Variants in CACNA1C observed in about 807,000 individuals in gnomAD.
CACNA1C encodes the protein calcium voltage-gated channel subunit alpha1 C, also known as voltage-dependent L-type calcium channel subunit alpha-1C.
In CACNA1C, 30 loss-of-function variants were observed where a neutral mutation model predicts 229.0. The ratio of observed to expected loss-of-function variants is 0.13; its 90% confidence interval spans 0.10 to 0.18. The LOEUF (loss-of-function observed/expected upper bound fraction) is 0.18. CACNA1C is among the 10% of genes least tolerant of loss of function. The pLI, the probability that CACNA1C is intolerant of heterozygous loss-of-function variation, is 1.00. For synonymous variants in CACNA1C, 1,114 were observed against 1,132.5 expected (o/e 0.98, Z 0.33); for missense variants, 1,658 against 2,845.0 (o/e 0.58, Z 9.49).
chr12:2,272,391 C>T (rs758030633), intron 3 of CACNA1C, among the ~76,000 whole-genome samples: 2 of 152,182 alleles, frequency 1.3e-5, no homozygotes, highest in Non-Finnish European at 2.9e-5. Flanking sequence ...CCTCTGCCTC[C>T]TGCCTCCTCC....
At chr12:2,446,455 AGTGG>A (rs1223777560) in intron 3 of CACNA1C, among the ~76,000 whole-genome samples, 6 of 12,286 alleles carry the variant, frequency 4.9e-4, no homozygotes, top group Admixed American at 1.1e-3. Flanking sequence ...AGAATGGGTG[AGTGG>A]GTGGGTGGGT....
intron 1 of CACNA1C, among the ~76,000 whole-genome samples, chr12:2,097,379 C>T (rs918705312): frequency 7.2e-5 from 11 of 152,090 alleles, no homozygotes; most frequent in Non-Finnish European, 1.3e-4. Flanking sequence ...ATCTCCTGAC[C>T]TTGTGATCCG....
At chr12:2,081,537 C>T (rs911461208) in intron 1 of CACNA1C, among the ~76,000 whole-genome samples, 21 of 151,204 alleles carry the variant, frequency 1.4e-4, no homozygotes, top group African/African-American at 4.6e-4. Flanking sequence ...CGCCACTGCA[C>T]TCCAGCCTGG....
chr12:2,654,547 C>T lies in CACNA1C; in HGVS notation c.4141-600C>T, dbSNP rs989840738. ...CGCCCACACTAGCCCAAAGCGCTTC[C>T]TCGGCCGCTCCTTCAGGAAGTCCCC... On this transcript the variant is annotated intron_variant, in intron 33 of 46. Coordinates refer to ENST00000399655, the MANE Select transcript of CACNA1C (RefSeq NM_000719.7). This position sits in a 1 kb window ranked among gnomAD's most constrained non-coding sequence, Gnocchi z 4.4. 2.0e-5 allele frequency among the ~76,000 whole-genome samples: 3 copies of T among 152,218 alleles called. No individual in the cohort carries two copies. The highest frequency in any genetic ancestry group is 4.8e-5 in the African/African-American group (2 of 41,456).
At chr12:2,645,854 G>T (rs1036445348) in intron 30 of CACNA1C, among the ~76,000 whole-genome samples, 2 of 152,332 alleles carry the variant, frequency 1.3e-5, no homozygotes, top group Admixed American at 6.5e-5. Flanking sequence ...CCTGTGAACA[G>T]CATGGCTTAA....
chr12:2,549,272 A>G lies in CACNA1C; in HGVS notation c.1391-671A>G, dbSNP rs183399422. On this transcript the variant is annotated intron_variant, in intron 9 of 46. Transcript: ENST00000399655. ...TATCCCTACAGGCTGTCTTCTGACC[A>G]CAATTAAACATAATTGTGTGGACTG... Among the ~76,000 whole-genome samples the G allele has an allele frequency of 2.0e-5, 3 of 152,292 alleles. No individual in the cohort carries two copies. In the East Asian group the frequency reaches 5.8e-4, roughly 29 times the overall value.
In CACNA1C at chr12:2,585,269, G is replaced by C; in HGVS notation, c.2340-107G>C. ...AAGGAAGATGGACTCAGACCCAGGG[G>C]ATCTGTCCCCTCTGGCCCCAACAGG... On this transcript the variant is annotated intron_variant, in intron 16 of 46. Transcript: ENST00000399655. The surrounding 1 kb of genome is among the most constrained non-coding windows in gnomAD (Gnocchi z 4.1). 9.1e-7 allele frequency: 1 copy of C among 1,101,412 alleles called. No homozygotes were observed. Among genetic ancestry groups the C allele is most frequent in the Non-Finnish European group, 1.3e-6 (1 of 791,850 alleles). The allele number at this position is 1,101,412 out of a possible 1,614,324, so 68.2% of individuals were successfully genotyped here. A position where few individuals can be genotyped will look rare whatever the true frequency, so the allele number is the denominator to read the frequency against.
At chr12:2,200,309 T>C (rs1471487626) in intron 3 of CACNA1C, among the ~76,000 whole-genome samples, 3 of 152,142 alleles carry the variant, frequency 2.0e-5, no homozygotes, top group Non-Finnish European at 4.4e-5. Flanking sequence ...TTGAGGAGTG[T>C]TTACCAAGTG....
chr12:2,329,601 A>G (rs2096472322), intron 3 of CACNA1C, among the ~76,000 whole-genome samples: 1 of 152,166 alleles, frequency 6.6e-6, no homozygotes, highest in African/African-American at 2.4e-5. Flanking sequence ...ACCCCCCAAA[A>G]ATAATAATAA....
intron 3 of CACNA1C, among the ~76,000 whole-genome samples, chr12:2,373,801 C>A (rs1261224005): frequency 6.6e-6 from 1 of 152,142 alleles, no homozygotes; most frequent in Non-Finnish European, 1.5e-5. Context: ...TATTTGCCAC[C>A]CTTCTTAGGC....
At position 2,053,278 on chromosome 12, in the gene CACNA1C, A is replaced by G. The variant is rs919881457; in HGVS notation, c.-285A>G. The stretch of plus-strand genomic sequence containing the variant: ...TTTTTTCAAATGGTGTAGCCGCCGG[A>G]GGTGCGGTGCTCAGTTCTTGGAAGG... On this transcript the variant is annotated 5_prime_UTR_variant, in exon 1 of 47. Transcript: ENST00000399655. The surrounding 1 kb of genome is among the most constrained non-coding windows in gnomAD (Gnocchi z 5.8). 5 of 1,125,038 alleles carry G rather than the reference A, an allele frequency of 4.4e-6. No homozygotes were observed. The African/African-American group carries it at 6.5e-5, about 15-fold the overall frequency. The allele number at this position is 1,125,038 out of a possible 1,614,324, so 69.7% of individuals were successfully genotyped here.
chr12:2,391,162 T>A (rs903357722), intron 3 of CACNA1C, among the ~76,000 whole-genome samples: 4 of 152,164 alleles, frequency 2.6e-5, no homozygotes. Flanking sequence ...TTTCCCTTCA[T>A]TGAGACAGGG....
chr12:2,649,389 G>A lies in CACNA1C; in HGVS notation c.3945+882G>A, dbSNP rs754444770. On this transcript the variant is annotated intron_variant, in intron 31 of 46. Transcript: ENST00000399655. The surrounding 1 kb of genome is among the most constrained non-coding windows in gnomAD (Gnocchi z 4.4). ...TGCAGGCCGAGGCAAGCTTGGGTGG[G>A]TTGATGTGTTCCCCAGTGCAGCCTG... Among the ~76,000 whole-genome samples, 5 of 152,202 alleles carry A rather than the reference G, an allele frequency of 3.3e-5. No individual in the cohort carries two copies. Among genetic ancestry groups the A allele is most frequent in the African/African-American group, 4.8e-5 (2 of 41,452 alleles).
chr12:2,339,863 A>T (rs554202137), intron 3 of CACNA1C, among the ~76,000 whole-genome samples: 1 of 152,340 alleles, frequency 6.6e-6, no homozygotes, highest in South Asian at 2.1e-4. Context: ...AAGAGCAAAG[A>T]AGTTCATTCA....
At chr12:2,142,731 T>C (rs769044621) in intron 3 of CACNA1C, among the ~76,000 whole-genome samples, 2 of 151,278 alleles carry the variant, frequency 1.3e-5, no homozygotes, top group Non-Finnish European at 3.0e-5. Flanking sequence ...TAGGCTAATG[T>C]GGACATTTGT....
chr12:2,552,700 G>A (rs1361132850), intron 10 of CACNA1C, among the ~76,000 whole-genome samples: 2 of 152,178 alleles, frequency 1.3e-5, no homozygotes, highest in Non-Finnish European at 1.5e-5. Context: ...GAAGGGCTGT[G>A]TTGTGTGTGT....
At chr12:2,272,623 T>C (rs2085594646) in intron 3 of CACNA1C, among the ~76,000 whole-genome samples, 1 of 152,198 alleles carries the variant, frequency 6.6e-6, no homozygotes, top group South Asian at 2.1e-4. Context: ...AGTTTGACGG[T>C]TGGCTGTGTA....
chr12:2,581,292 G>A (rs1247688941), intron 13 of CACNA1C, among the ~76,000 whole-genome samples: 1 of 152,188 alleles, frequency 6.6e-6, no homozygotes, highest in African/African-American at 2.4e-5. Context: ...GCAGAAGGCA[G>A]GGAAGTGAAA....
intron 2 of CACNA1C, among the ~76,000 whole-genome samples, chr12:2,118,778 C>T (rs1441370393): frequency 6.6e-6 from 1 of 152,198 alleles, no homozygotes; most frequent in Non-Finnish European, 1.5e-5. Flanking sequence ...AAAGCTTAGT[C>T]CGTCTGGGTT....
Sources: allele counts gnomAD v4.1 joint callset (sites outside exome capture counted in the v4.1 genomes callset), GRCh38; gene constraint gnomAD v4.1.1; non-coding constraint Gnocchi (gnomAD v3.1); transcripts MANE v1.5; gene names NCBI Gene and HGNC (gene_info 2026-07-23, HGNC 2026-07-21).